TTN: variants seen among roughly 807,000 people sequenced by gnomAD.
TTN encodes titin, also known as connectin.
Under a neutral mutation model 3,223.0 loss-of-function variants are expected in TTN, and 1,525 were observed. The ratio of observed to expected loss-of-function variants is 0.47; its 90% CI spans 0.45 to 0.49. TTN has a LOEUF of 0.49. Among genes scored for constraint, TTN ranks in the 20% least tolerant of loss-of-function variants. The probability of loss-of-function intolerance (pLI) is 0.00; values close to 1 mark genes in which losing one functional copy is unlikely to be tolerated. For missense variants in TTN, 40,786 were observed against 43,424.0 expected (o/e 0.94, Z 5.40); for synonymous variants, 14,094 against 15,161.0 (o/e 0.93, Z 5.17).
intron 120 of TTN, 131 bp downstream of exon 120, chr2:178,692,366 T>G: frequency 1.0e-6 from 1 of 973,740 alleles, no homozygotes; most frequent in Non-Finnish European, 1.6e-6. Context: ...CACAAATAAA[T>G]GAAATCAATA....
chr2:178,708,369 G>A (rs1372395868), intron 99 of TTN, among the ~76,000 whole-genome samples: 1 of 152,196 alleles, frequency 6.6e-6, no homozygotes, highest in Non-Finnish European at 1.5e-5. Flanking sequence ...GGAATTAGGA[G>A]TTGAGGCTCA....
At chr2:178,748,873 T>C in intron 47 of TTN, 1 of 1,612,496 alleles carries the variant, frequency 6.2e-7, no homozygotes, top group Non-Finnish European at 8.5e-7. Context: ...GATACATATT[T>C]GCATTTAGAT....
At position 178,589,414 on chromosome 2, in the gene TTN, G is replaced by A. The variant is rs1384039456; in HGVS notation, c.62311C>T (p.Leu20771Phe). The change falls in exon 304 of 363, where the codon CTT (leucine) becomes TTT (phenylalanine). Residue 20771 changes from leucine to phenylalanine, a missense_variant. Physicochemically the swap from Leu to Phe is conservative, Grantham distance 22. Transcript: ENST00000589042. ...AGGACCCCACTTAATTTCAGATCAA[G>A]TACTGGTTTTTGTAAGTCTTCTTTC... is the stretch of plus-strand genomic sequence containing the variant. ...VVKEDLQKPV[L>F]DLKLSGVLTV... The A allele has an allele frequency of 6.2e-7, 1 of 1,613,356 alleles. No individual in the cohort carries two copies. The highest frequency in any genetic ancestry group is 8.5e-7 in the Non-Finnish European group (1 of 1,179,606).
chr2:178,701,518 TG>T lies in TTN; in HGVS notation c.30598+9del. Reference sequence around the variant, plus strand: ...GCTCCAAGCTCAGATGTTGAGGTTCTGGGTCTTACCTTCTGGTGGCACTGCT... The same window carrying T: ...GCTCCAAGCTCAGATGTTGAGGTTCTGGTCTTACCTTCTGGTGGCACTGCT... On this transcript the variant is annotated intron_variant, in intron 110 of 362. Coordinates refer to ENST00000589042, the MANE Select transcript of TTN (RefSeq NM_001267550.2). 1 of 1,611,382 alleles carries T rather than the reference TG, an allele frequency of 6.2e-7. No homozygotes were observed. Among genetic ancestry groups the T allele is most frequent in the Non-Finnish European group, 8.5e-7 (1 of 1,178,886 alleles).
chr2:178,652,219 A>G, intron 203 of TTN, 40 bp from the exon 204 acceptor site: 2 of 1,612,760 alleles, frequency 1.2e-6, no homozygotes, highest in Non-Finnish European at 1.7e-6. Context: ...AGACAAAGTA[A>G]AGACAAACAA....
In TTN at chr2:178,538,753, C is replaced by T. The variant is rs548099841; in HGVS notation, c.99076G>A (p.Gly33026Ser). The change falls in exon 354 of 363, where the codon GGT becomes AGT. Residue 33026 changes from glycine to serine, a missense_variant. Coordinates refer to ENST00000589042, the MANE Select transcript of TTN (RefSeq NM_001267550.2). ...CAGTATCCAAGAATTTCTTTACCAC[C>T]ATCACATTCAGGTTTCTCCCACTGT... Reference protein sequence around the residue: ...TLQWEKPECDGGKEILGYWVE... With the variant: ...TLQWEKPECDSGKEILGYWVE... 1 of 1,613,718 alleles carries T rather than the reference C, an allele frequency of 6.2e-7. No individual in the cohort carries two copies. The highest frequency in any genetic ancestry group is 8.5e-7 in the Non-Finnish European group (1 of 1,179,712).
Position 178,729,369 on chromosome 2 carries a change from G to A in TTN, c.18787C>T (p.Pro6263Ser), listed in dbSNP as rs753985729. The A allele has an allele frequency of 1.9e-6, 3 of 1,613,524 alleles. No individual in the cohort carries two copies. Among genetic ancestry groups the A allele is most frequent in the Non-Finnish European group, 2.5e-6 (3 of 1,179,638 alleles). Residue 6263 changes from proline (P) to serine (S), a missense_variant, in exon 64 of 363, where the codon CCT becomes TCT. Coordinates refer to ENST00000589042, the MANE Select transcript of TTN (RefSeq NM_001267550.2). ...CACTGGTATTCCCCAGTGTCTGAAG[G>A]GTCACACTTGGTTATATGGAGGTTA... is the stretch of plus-strand genomic sequence containing the variant. ...VFNLHITKCD[P>S]SDTGEYQCIV...
rs768442614 is a variant in TTN, at chr2:178,613,267, A to T, written c.49542T>A (p.Gly16514=). The change falls in exon 264 of 363, where the codon GGT becomes GGA. Residue 16514 remains glycine, a synonymous_variant. Transcript: ENST00000589042. ...ATCTGTATTTTTTCTTATTAGTGAG[A>T]CCTTTCACTCTGAATTAGGAACAAA... ...PVKDTTYRVK[G]LTNKKKYRFR... 4 of 1,608,630 alleles carry T rather than the reference A, an allele frequency of 2.5e-6. No individual in the cohort carries two copies. Among genetic ancestry groups the T allele is most frequent in the Non-Finnish European group, 3.4e-6 (4 of 1,177,760 alleles).
At position 178,693,506 on chromosome 2, in the gene TTN, A is replaced by G. The variant is rs2072965785; in HGVS notation, c.31594+103T>C. On this transcript the variant is annotated intron_variant, in intron 119 of 362. Coordinates refer to ENST00000589042, the MANE Select transcript of TTN (RefSeq NM_001267550.2). ...GTACATAGTGGCTATAGGTATGCAC[A>G]CTGTGACTAAATCTATTATTTAATA... 3 of 845,458 alleles carry G rather than the reference A, an allele frequency of 3.5e-6. No individual in the cohort carries two copies. The South Asian group carries it at 7.0e-5, about 20-fold the overall frequency. 52.4% of individuals were successfully genotyped at this position (845,458 alleles called of 1,614,324 possible). A position where few individuals can be genotyped will look rare whatever the true frequency, so the allele number is the denominator to read the frequency against.
chr2:178,623,748 CAA>C (rs956175786), intron 242 of TTN, among the ~76,000 whole-genome samples: 2 of 151,740 alleles, frequency 1.3e-5, no homozygotes, highest in African/African-American at 2.4e-5. Flanking sequence ...AAATATTGCA[CAA>C]AAAATTTGCA....
At chr2:178,748,416 T>G (rs374783099) in intron 47 of TTN, 1 of 1,613,038 alleles carries the variant, frequency 6.2e-7, no homozygotes, top group Non-Finnish European at 8.5e-7. Context: ...CTTTTAGAGA[T>G]ATTGTGTGTG....
In TTN at chr2:178,714,399, G is replaced by T. The variant is rs761198294; in HGVS notation, c.26375C>A (p.Ala8792Glu). 4.3e-6 allele frequency: 7 copies of T among 1,613,640 alleles called. No homozygotes were observed. The African/African-American group carries it at 6.7e-5, about 15-fold the overall frequency. ...NIWISYSENIATLQFSRVEPA... is the reference protein window; with the variant it reads ...NIWISYSENIETLQFSRVEPA... ...TTCCACTCTTGAAAACTGTAAGGTT[G>T]CAATGTTTTCTGAATAAGAAATCCA... The change falls in exon 91 of 363, where the codon GCA becomes GAA. Residue 8792 changes from alanine to glutamate, a missense_variant. By Grantham distance (107) the Ala-to-Glu change is moderately radical. Transcript: ENST00000589042.
At chr2:178,752,199 C>T (rs1373759221) in intron 47 of TTN, among the ~76,000 whole-genome samples, 1 of 152,120 alleles carries the variant, frequency 6.6e-6, no homozygotes, top group East Asian at 1.9e-4. Context: ...AAACGCAACA[C>T]CATGCTCTGT....
Position 178,576,590 on chromosome 2 carries a change from G to A in TTN, c.69654C>T (p.Asn23218=), listed in dbSNP as rs1462582107. The change falls in exon 325 of 363, where the codon AAC becomes AAT. Residue 23218 remains asparagine (N), a synonymous_variant. Coordinates refer to ENST00000589042, the MANE Select transcript of TTN (RefSeq NM_001267550.2). This position sits in a 1 kb window ranked among gnomAD's most constrained non-coding sequence, Gnocchi z 4.3. ...STYEFRVSAE[N]RAGIGPPSEA... is the part of the protein sequence containing the mutation. ...CACTGGGTGGACCAATTCCTGCTCT[G>A]TTTTCTGCACTGACACGGAATTCGT... is the stretch of plus-strand genomic sequence containing the variant. The A allele has an allele frequency of 6.2e-7, 1 of 1,613,590 alleles. No individual in the cohort carries two copies. Among genetic ancestry groups the A allele is most frequent in the South Asian group, 1.1e-5 (1 of 91,066 alleles).
Position 178,577,772 on chromosome 2 carries a change from G to C in TTN, c.68654C>G (p.Ser22885Trp). Residue 22885 changes from serine to tryptophan, a missense_variant, in exon 323 of 363, where the codon TCG becomes TGG. Transcript: ENST00000589042. ...GYIVEKRDLP[S>W]KSWMKANHVN... is the part of the protein sequence containing the mutation. ...ATGGTTGGCTTTCATCCAAGACTTC[G>C]AAGGTAGATCTCGCTTCTCCACTAT... 6.2e-7 allele frequency: 1 copy of C among 1,613,234 alleles called. No individual in the cohort carries two copies. The highest frequency in any genetic ancestry group is 1.1e-5 in the South Asian group (1 of 91,038).
Position 178,732,594 on chromosome 2 carries a change from C to G in TTN, c.16467G>C (p.Glu5489Asp). 1.2e-6 allele frequency: 2 copies of G among 1,613,676 alleles called. No homozygotes were observed. The highest frequency in any genetic ancestry group is 1.7e-6 in the Non-Finnish European group (2 of 1,179,740). Residue 5489 changes from glutamate (E) to aspartate (D), a missense_variant, in exon 56 of 363, where the codon GAG (glutamate) becomes GAC (aspartate). By Grantham distance (45) the Glu-to-Asp change is conservative (BLOSUM62 2). Transcript: ENST00000589042. ...TATAGCAGCTTCCACCAGAAACCAG[C>G]TCTTTGTTGCCCTTAAACCATCTGA... ...LTIRWFKGNK[E>D]LVSGGSCYIT...
chr2:178,584,048 T>C (rs2048365124), intron 311 of TTN, 142 bp from the exon 312 acceptor site: 1 of 1,105,590 alleles, frequency 9.0e-7, no homozygotes, highest in Non-Finnish European at 1.2e-6. Flanking sequence ...CCAACTAGTA[T>C]GCACTTTTGA....
Position 178,709,572 on chromosome 2 carries a change from T to A in TTN, c.28747A>T (p.Ile9583Phe). The A allele has an allele frequency of 6.2e-7, 1 of 1,602,980 alleles. No homozygotes were observed. Among genetic ancestry groups the A allele is most frequent in the Non-Finnish European group, 8.5e-7 (1 of 1,170,692 alleles). The part of the protein sequence containing the change: ...GSALCTSSIV[I>F]KEPKKPPVFD... ...GGCTGTGAGGATAACTCACCTTTGA[T>A]GACGATTGAAGACGTGCACAGAGCA... Residue 9583 changes from isoleucine to phenylalanine, a missense_variant, in exon 99 of 363, where the codon ATC becomes TTC. By Grantham distance (21) the Ile-to-Phe change is conservative. Transcript: ENST00000589042.
At position 178,756,794 on chromosome 2, in the gene TTN, T is replaced by C. The variant is rs727503676; in HGVS notation, c.10682A>G (p.Gln3561Arg). 6.1e-5 allele frequency: 98 copies of C among 1,613,082 alleles called. No homozygotes were observed. The Admixed American group carries it at 1.6e-3, about 26-fold the overall frequency. ...CCCAGAACTTTGCCTATCTAGGGCT[T>C]GCACTGTATAATCAAGTGACAAGAA... ...AATLTVTPKV[Q>R]ALDRQSSGKD... Residue 3561 changes from glutamine (Q) to arginine (R), a missense_variant, in exon 46 of 363, where the codon CAA becomes CGA. Gln to Arg is a conservative substitution (Grantham distance 43, BLOSUM62 1). Transcript: ENST00000589042.
Sources: gnomAD v4.1 joint callset for allele counts (sites outside exome capture counted in the v4.1 genomes callset) on GRCh38, gnomAD v4.1.1 for gene constraint, Gnocchi (gnomAD v3.1) non-coding constraint, MANE v1.5 for transcripts, NCBI Gene and HGNC (gene_info 2026-07-23, HGNC 2026-07-21) for gene names.